Variants in CNTN5 observed in about 807,000 individuals in gnomAD.
CNTN5 encodes the protein contactin-5.
Under a neutral mutation model 129.1 loss-of-function variants are expected in CNTN5, and 77 were observed. The observed-to-expected ratio is 0.60, with a 90% CI of 0.50 to 0.72. CNTN5 has a LOEUF of 0.72. CNTN5 is among the 30% of genes least tolerant of loss of function. CNTN5 has a pLI of 0.00. For synonymous variants in CNTN5, 509 were observed against 465.6 expected (o/e 1.09, Z -1.20); for missense variants, 1,478 against 1,328.8 (o/e 1.11, Z -1.75).
At chr11:99,263,347 G>A (rs746363742) in intron 1 of CNTN5, among the ~76,000 whole-genome samples, 8 of 152,042 alleles carry the variant, frequency 5.3e-5, no homozygotes, top group Non-Finnish European at 1.2e-4. Flanking sequence ...TGTCAATTGA[G>A]CTTTATCGTC....
intron 2 of CNTN5, among the ~76,000 whole-genome samples, chr11:99,352,126 A>G (rs1938339967): frequency 6.6e-6 from 1 of 152,214 alleles, no homozygotes; most frequent in African/African-American, 2.4e-5. Context: ...AAAGTGTCAG[A>G]TTTGTACATG....
intron 18 of CNTN5, among the ~76,000 whole-genome samples, chr11:100,295,553 C>T (rs1476701946): frequency 6.6e-6 from 1 of 151,226 alleles, no homozygotes; most frequent in Non-Finnish European, 1.5e-5. Flanking sequence ...ACCAAAGCTT[C>T]AACAGTTTTG....
At chr11:99,096,533 A>G (rs1009352138) in intron 1 of CNTN5, among the ~76,000 whole-genome samples, 1 of 151,834 alleles carries the variant, frequency 6.6e-6, no homozygotes, top group African/African-American at 2.4e-5. Flanking sequence ...GTGTTTTCAT[A>G]GGTTTTATTT....
intron 3 of CNTN5, among the ~76,000 whole-genome samples, chr11:99,809,402 CT>C (rs1453720976): frequency 3.3e-5 from 5 of 151,966 alleles, no homozygotes; most frequent in Admixed American, 3.3e-4. Flanking sequence ...TTTTATTATA[CT>C]TTTTAAAAAT....
At chr11:99,047,287 T>A (rs1864251260) in intron 1 of CNTN5, among the ~76,000 whole-genome samples, 8 of 151,644 alleles carry the variant, frequency 5.3e-5, no homozygotes, top group Admixed American at 5.3e-4. Context: ...AGTCTTCTAC[T>A]CTAACTTCTT....
chr11:99,877,700 G>A (rs1227445452), intron 6 of CNTN5, among the ~76,000 whole-genome samples: 1 of 152,110 alleles, frequency 6.6e-6, no homozygotes, highest in Non-Finnish European at 1.5e-5. Context: ...ACATGCTGTA[G>A]TAATATACAA....
chr11:99,270,543 G>T (rs1396758810), intron 1 of CNTN5, among the ~76,000 whole-genome samples: 1 of 151,804 alleles, frequency 6.6e-6, no homozygotes, highest in East Asian at 1.9e-4. Flanking sequence ...TTATGAATGA[G>T]TCTTTTTTCT....
At chr11:99,085,200 A>G (rs1163260233) in intron 1 of CNTN5, among the ~76,000 whole-genome samples, 1 of 151,850 alleles carries the variant, frequency 6.6e-6, no homozygotes, top group Non-Finnish European at 1.5e-5. Context: ...AGGTACCCCC[A>G]CGCCCAGCTA....
chr11:100,296,626 C>A (rs1056019580), intron 18 of CNTN5, among the ~76,000 whole-genome samples: 2 of 151,480 alleles, frequency 1.3e-5, no homozygotes, highest in African/African-American at 4.8e-5. Context: ...TTCAATGGAG[C>A]CAATTATATA....
rs148755696 is a variant in CNTN5 at position 99,915,861 on chromosome 11, G to A, written c.578-193G>A. 3.0e-3 allele frequency among the ~76,000 whole-genome samples: 463 copies of A among 152,252 alleles called. 2 individuals are homozygous for A. The highest frequency in any genetic ancestry group is 0.011 in the African/African-American group (448 of 41,566). ...AATAAAGAGTGTGGTTTTTCTATGG[G>A]TGGTATAGATTTATTTCCATTGTGG... On this transcript the variant is annotated intron_variant, in intron 6 of 24. Transcript: ENST00000524871.
chr11:100,130,748 C>T lies in CNTN5; in HGVS notation c.1580+56454C>T, dbSNP rs561189934. On this transcript the variant is annotated intron_variant, in intron 13 of 24. Transcript: ENST00000524871. ...GTAAGGATGAGAGCAGAATAAATAG[C>T]CTGGAAGGGCTGAGGAAAGGCTATT... 2.0e-5 allele frequency among the ~76,000 whole-genome samples: 3 copies of T among 152,088 alleles called. No individual in the cohort carries two copies. In the South Asian group the frequency reaches 6.2e-4, roughly 32 times the overall value.
intron 3 of CNTN5, among the ~76,000 whole-genome samples, chr11:99,662,336 A>G (rs1196783824): frequency 2.0e-5 from 3 of 152,194 alleles, no homozygotes; most frequent in African/African-American, 7.2e-5. Context: ...GACATCCATT[A>G]AGCACTGTGT....
At chr11:99,875,061 A>G in intron 6 of CNTN5, among the ~76,000 whole-genome samples, 1 of 152,168 alleles carries the variant, frequency 6.6e-6, no homozygotes. Context: ...AGCGTTAGTA[A>G]GAATCAAATA....
chr11:99,235,479 G>C (rs2135741242), intron 1 of CNTN5, among the ~76,000 whole-genome samples: 1 of 152,168 alleles, frequency 6.6e-6, no homozygotes, highest in African/African-American at 2.4e-5. Flanking sequence ...GAATCACCAT[G>C]TTCCCAGGAA....
intron 3 of CNTN5, among the ~76,000 whole-genome samples, chr11:99,567,442 TC>T (rs1949043341): frequency 6.6e-6 from 1 of 152,146 alleles, no homozygotes; most frequent in Non-Finnish European, 1.5e-5. Context: ...GACAGTTTGT[TC>T]CTTCTGCCAA....
chr11:99,704,544 T>G (rs1368667613), intron 3 of CNTN5, among the ~76,000 whole-genome samples: 2 of 151,122 alleles, frequency 1.3e-5, no homozygotes, highest in Non-Finnish European at 3.0e-5. Flanking sequence ...CTATCAAATG[T>G]TAATAAAGAT....
rs113362087 is a variant in CNTN5 at position 99,413,534 on chromosome 11, G to C, written c.-71+88050G>C. Among the ~76,000 whole-genome samples the C allele has an allele frequency of 1.9e-3, 283 of 152,146 alleles. 5 individuals carry two copies. Among genetic ancestry groups the C allele is most frequent in the African/African-American group, 6.5e-3 (269 of 41,530 alleles). On this transcript the variant is annotated intron_variant, in intron 2 of 24. Transcript: ENST00000524871. The stretch of plus-strand genomic sequence containing the variant: ...CTTGGGAGGCTGACGCATGAGAATT[G>C]CTTGAATCCAGGAGGCAGAGGTTGC...
intron 16 of CNTN5, among the ~76,000 whole-genome samples, chr11:100,227,629 A>C (rs1312253186): frequency 6.6e-6 from 1 of 152,210 alleles, no homozygotes. Context: ...GTGAACCAGC[A>C]TTATCACAGC....
chr11:99,528,784 C>A (rs1021965763), intron 2 of CNTN5, among the ~76,000 whole-genome samples: 2 of 152,092 alleles, frequency 1.3e-5, no homozygotes, highest in African/African-American at 4.8e-5. Flanking sequence ...ATGGCTCAGG[C>A]CGGGCGTAGT....
Sources: gnomAD v4.1 joint callset for allele counts (sites outside exome capture counted in the v4.1 genomes callset) on GRCh38, gnomAD v4.1.1 for gene constraint, MANE v1.5 for transcripts, NCBI Gene and HGNC (gene_info 2026-07-23, HGNC 2026-07-21) for gene names.